Variants in SETX observed in about 807,000 individuals in gnomAD.
SETX encodes helicase senataxin.
In SETX, 90 loss-of-function variants were observed where a neutral mutation model predicts 227.2. That is an observed-to-expected ratio of 0.40 (90% confidence interval 0.33 to 0.47). The LOEUF is 0.47. Ranked by LOEUF, SETX falls within the 20% of genes least tolerant of loss-of-function variation. The probability of loss-of-function intolerance (pLI) is 0.91; values close to 1 mark genes in which losing one functional copy is unlikely to be tolerated. For missense variants in SETX, 3,052 were observed against 3,181.5 expected, an observed-to-expected ratio of 0.96 and a Z score of 0.98; for synonymous variants, 1,210 against 1,113.2, an observed-to-expected ratio of 1.09 and a Z score of -1.73.
At chr9:132,303,939 T>C (rs1054664878) in intron 11 of SETX, among the ~76,000 whole-genome samples, 5 of 152,134 alleles carry the variant, frequency 3.3e-5, no homozygotes, top group Admixed American at 2.0e-4. Context: ...CTGCCCAACA[T>C]GGTGAAACCC....
Position 132,315,413 on chromosome 9 carries a change from TTC to T in SETX, c.5275-3559_5275-3558del, listed in dbSNP as rs372260723. Among the ~76,000 whole-genome samples, 50 of 152,284 alleles carry T rather than the reference TTC, an allele frequency of 3.3e-4. No homozygotes were observed. The South Asian group carries it at 9.1e-3, about 28-fold the overall frequency. On this transcript the variant is annotated intron_variant, in intron 10 of 25. Coordinates refer to ENST00000224140, the MANE Select transcript of SETX (RefSeq NM_015046.7). Reference sequence around the variant, plus strand: ...AAAAGTCTAAGGCAAACTCACTGATTTCTGTCCTGGAGCCCTCTTCCTTTGAG... The same window carrying T: ...AAAAGTCTAAGGCAAACTCACTGATTTGTCCTGGAGCCCTCTTCCTTTGAG...
chr9:132,338,552 A>G (rs925516327), intron 5 of SETX, among the ~76,000 whole-genome samples: 2 of 152,208 alleles, frequency 1.3e-5, no homozygotes, highest in Non-Finnish European at 2.9e-5. Flanking sequence ...TTGCAAATGC[A>G]TGACCTCTCC....
In SETX at chr9:132,278,068, A is replaced by G; in HGVS notation, c.6842+2T>C. The G allele has an allele frequency of 6.2e-7, 1 of 1,612,166 alleles. No individual in the cohort carries two copies. Among genetic ancestry groups the G allele is most frequent in the Non-Finnish European group, 8.5e-7 (1 of 1,178,386 alleles). On this transcript the variant is annotated splice_donor_variant, in intron 21 of 25. Coordinates refer to ENST00000224140, the MANE Select transcript of SETX (RefSeq NM_015046.7). LOFTEE classifies it high-confidence loss of function. ...AGGTCACAAACAATAAGGGGAACTCACCTATTTGTTTTTAAGTTTCTGTTA... is the reference window on the plus strand; with the variant it reads ...AGGTCACAAACAATAAGGGGAACTCGCCTATTTGTTTTTAAGTTTCTGTTA...
chr9:132,311,798 C>T lies in SETX; in HGVS notation c.5333G>A (p.Arg1778Gln), dbSNP rs773863200. Residue 1778 changes from arginine to glutamine, a missense_variant, in exon 11 of 26, where the codon CGA (arginine) becomes CAA (glutamine). Physicochemically the swap from Arg to Gln is conservative, Grantham distance 43 (BLOSUM62 1). Coordinates refer to ENST00000224140, the MANE Select transcript of SETX (RefSeq NM_015046.7). ...TTTTATATAATCGGCAGGAAATTTT[C>T]GTACTTGCAACTGATAGAAATTCTC... ...NRENFYQLQV[R>Q]KFPADYIKYW... is the part of the protein sequence containing the mutation. 3 of 1,613,552 alleles carry T rather than the reference C, an allele frequency of 1.9e-6. No homozygotes were observed. The highest frequency in any genetic ancestry group is 1.3e-5 in the African/African-American group (1 of 74,904).
Position 132,329,658 on chromosome 9 carries a change from T to C in SETX, c.1940A>G (p.Lys647Arg). The stretch of plus-strand genomic sequence containing the variant: ...ACTGTCTTGCACTTTCATTGGTTCT[T>C]TAGAAAATGTTGGGCTGGAAGCTTC... ...CLEASSPTFSKEPMKVQDSVL... is the reference protein window; with the variant it reads ...CLEASSPTFSREPMKVQDSVL... The change falls in exon 10 of 26, where the codon AAA (lysine) becomes AGA (arginine). Residue 647 changes from lysine to arginine, a missense_variant. By Grantham distance (26) the Lys-to-Arg change is conservative. This residue lies in a region of SETX where 1,483 missense variants were observed against 1,312.0 expected (regional missense o/e 1.13). Transcript: ENST00000224140. 6.2e-7 allele frequency: 1 copy of C among 1,613,824 alleles called. No homozygotes were observed. The highest frequency in any genetic ancestry group is 8.5e-7 in the Non-Finnish European group (1 of 1,179,946).
intron 10 of SETX, among the ~76,000 whole-genome samples, chr9:132,323,832 G>C (rs1443959531): frequency 1.3e-5 from 2 of 152,086 alleles, no homozygotes; most frequent in Admixed American, 1.3e-4. Flanking sequence ...GAGGCCAAGA[G>C]GTTGAGGCTG....
intron 11 of SETX, among the ~76,000 whole-genome samples, chr9:132,309,336 A>G (rs529758869): frequency 2.4e-4 from 37 of 152,236 alleles, no homozygotes; most frequent in African/African-American, 8.7e-4. Flanking sequence ...GTGAAGCACA[A>G]ATGGTCTTTC....
rs756715534 is a variant in SETX, at chr9:132,264,607, A to T, written c.7666T>A (p.Trp2556Arg). ...TGGGGGCTCGAGGGTTGTGGATCCC[A>T]AAGGAATATTCCTCCTTTGACCTCA... is the stretch of plus-strand genomic sequence containing the variant. ...GIEVKGGIFL[W>R]DPQPSSPQHP... is the part of the protein sequence containing the mutation. Residue 2556 changes from tryptophan to arginine, a missense_variant, in exon 26 of 26, where the codon TGG becomes AGG. Trp to Arg is a moderately radical substitution (Grantham distance 101, BLOSUM62 -3). Coordinates refer to ENST00000224140, the MANE Select transcript of SETX (RefSeq NM_015046.7). 5.6e-6 allele frequency: 9 copies of T among 1,614,044 alleles called. No individual in the cohort carries two copies. Among genetic ancestry groups the T allele is most frequent in the Admixed American group, 5.0e-5 (3 of 60,000 alleles).
chr9:132,277,789 CAAA>C lies in SETX; in HGVS notation c.6842+278_6842+280del, dbSNP rs372125008. Reference sequence around the variant, plus strand: ...GAGTGACAGAATGAGACCCTGTCTTCAAAAAAAAAAAAAAAAAAAAAAAGGACT... The same window carrying C: ...GAGTGACAGAATGAGACCCTGTCTTCAAAAAAAAAAAAAAAAAAAAGGACT... On this transcript the variant is annotated intron_variant, in intron 21 of 25. Coordinates refer to ENST00000224140, the MANE Select transcript of SETX (RefSeq NM_015046.7). 1.8e-4 allele frequency among the ~76,000 whole-genome samples: 12 copies of C among 68,116 alleles called. No homozygotes were observed. In the East Asian group the frequency reaches 2.5e-3, roughly 14 times the overall value. The allele number at this position is 68,116 out of a possible 152,430, so 44.7% of individuals were successfully genotyped here.
rs374633444 is a variant in SETX at position 132,269,415 on chromosome 9, G to A, written c.7287+200C>T. ...TTAAAATGGTCACCTTGAGAGCCCA[G>A]TGTAGATACTTGGGTTCTGGGCTGA... On this transcript the variant is annotated intron_variant, in intron 25 of 25. Coordinates refer to ENST00000224140, the MANE Select transcript of SETX (RefSeq NM_015046.7). 3.0e-5 allele frequency: 47 copies of A among 1,566,504 alleles called. No individual in the cohort carries two copies. In the African/African-American group the frequency reaches 5.7e-4, roughly 19 times the overall value.
chr9:132,327,924 T>C lies in SETX; in HGVS notation c.3674A>G (p.Lys1225Arg). The C allele has an allele frequency of 1.9e-6, 3 of 1,614,154 alleles. No individual in the cohort carries two copies. The South Asian group carries it at 3.3e-5, about 18-fold the overall frequency. Reference protein sequence around the residue: ...ATTVSQKKSSKLCTCTEPIRK... With the variant: ...ATTVSQKKSSRLCTCTEPIRK... ...GATGGGTTCTGTACAAGTACAAAGC[T>C]TTGAAGACTTCTTTTGTGAAACCGT... The change falls in exon 10 of 26, where the codon AAG becomes AGG. Residue 1225 changes from lysine to arginine, a missense_variant. Physicochemically the swap from Lys to Arg is conservative, Grantham distance 26. Around this residue, in one of 10 missense-constraint regions of SETX, gnomAD observed 1,483 missense variants for 1,312.0 expected, o/e 1.13. Coordinates refer to ENST00000224140, the MANE Select transcript of SETX (RefSeq NM_015046.7).
intron 20 of SETX, among the ~76,000 whole-genome samples, chr9:132,280,339 T>C (rs1321708527): frequency 2.0e-5 from 3 of 152,198 alleles, no homozygotes; most frequent in South Asian, 2.1e-4. Flanking sequence ...GGCAGTAAAG[T>C]TGAGGCCCAT....
At chr9:132,309,063 G>A (rs1281718112) in intron 11 of SETX, among the ~76,000 whole-genome samples, 4 of 152,170 alleles carry the variant, frequency 2.6e-5, no homozygotes, top group South Asian at 4.1e-4. Context: ...GCTTGAACCC[G>A]GGAAGCAGAG....
At chr9:132,304,403 C>T (rs1472164227) in intron 11 of SETX, among the ~76,000 whole-genome samples, 1 of 151,936 alleles carries the variant, frequency 6.6e-6, no homozygotes, top group East Asian at 1.9e-4. Flanking sequence ...CTCTGGACTT[C>T]ACTACACTTG....
Position 132,264,609 on chromosome 9 carries a change from A to G in SETX, c.7664T>C (p.Leu2555Pro). 6.2e-7 allele frequency: 1 copy of G among 1,614,202 alleles called. No individual in the cohort carries two copies. Among genetic ancestry groups the G allele is most frequent in the Non-Finnish European group, 8.5e-7 (1 of 1,180,042 alleles). Residue 2555 changes from leucine to proline, a missense_variant, in exon 26 of 26, where the codon CTT (leucine) becomes CCT (proline). Around this residue, in one of 10 missense-constraint regions of SETX, gnomAD observed 294 missense variants for 278.8 expected, o/e 1.05. Coordinates refer to ENST00000224140, the MANE Select transcript of SETX (RefSeq NM_015046.7). Reference sequence around the variant, plus strand: ...GGGGCTCGAGGGTTGTGGATCCCAAAGGAATATTCCTCCTTTGACCTCAAT... The same window carrying G: ...GGGGCTCGAGGGTTGTGGATCCCAAGGGAATATTCCTCCTTTGACCTCAAT... Reference protein sequence around the residue: ...MGIEVKGGIFLWDPQPSSPQH... With the variant: ...MGIEVKGGIFPWDPQPSSPQH...
Position 132,311,505 on chromosome 9 carries a change from T to C in SETX, c.5374+252A>G, listed in dbSNP as rs538898711. On this transcript the variant is annotated intron_variant, in intron 11 of 25. Transcript: ENST00000224140. ...ACCAAATCCCTCCACTCACCCTCTC[T>C]CCCATTCCCAGCCCCCACTGACAAT... Among the ~76,000 whole-genome samples the C allele has an allele frequency of 8.5e-5, 13 of 152,160 alleles. No homozygotes were observed. The South Asian group carries it at 2.7e-3, about 32-fold the overall frequency.
rs1439109327 is a variant in SETX at position 132,278,070 on chromosome 9, CTATT to C, written c.6838_6841del (p.Asn2280AspfsTer35). On this transcript the variant is annotated frameshift_variant and splice_region_variant, in exon 21 of 26. Transcript: ENST00000224140. LOFTEE classifies it high-confidence loss of function. ...GTCACAAACAATAAGGGGAACTCAC[CTATT>C]TGTTTTTAAGTTTCTGTTATAAACA... The C allele has an allele frequency of 6.2e-7, 1 of 1,613,066 alleles. No individual in the cohort carries two copies. The highest frequency in any genetic ancestry group is 1.1e-5 in the South Asian group (1 of 91,046).
intron 25 of SETX, among the ~76,000 whole-genome samples, chr9:132,266,402 A>G (rs1842653622): frequency 6.6e-6 from 1 of 152,260 alleles, no homozygotes; most frequent in Admixed American, 6.5e-5. Flanking sequence ...CTTTTAGTCA[A>G]TAAACCATTT....
chr9:132,342,109 A>G (rs1848010696), intron 5 of SETX, among the ~76,000 whole-genome samples: 2 of 152,106 alleles, frequency 1.3e-5, no homozygotes, highest in African/African-American at 4.8e-5. Context: ...GGCTTAATGT[A>G]GTCACTCAGT....
Sources: allele counts gnomAD v4.1 joint callset (sites outside exome capture counted in the v4.1 genomes callset), GRCh38; gene constraint gnomAD v4.1.1; regional missense constraint gnomAD v4.1.1; transcripts MANE v1.5; gene names NCBI Gene and HGNC (gene_info 2026-07-23, HGNC 2026-07-21).